The following LRMDA variants were observed in gnomAD, a reference collection of about 807,000 sequenced individuals.
LRMDA encodes the protein leucine-rich melanocyte differentiation-associated protein.
Under a neutral mutation model 29.8 loss-of-function variants are expected in LRMDA, and 18 were observed. That is an observed-to-expected ratio of 0.60 (90% CI 0.42 to 0.90). LRMDA has a LOEUF of 0.90. Among genes scored for constraint, LRMDA ranks in the 40% least tolerant of loss-of-function variants. The pLI, the probability that LRMDA is intolerant of heterozygous loss-of-function variation, is 0.00. For synonymous variants in LRMDA, 125 were observed against 109.4 expected (o/e 1.14, Z -0.89); for missense variants, 273 against 273.9 (o/e 1.00, Z 0.02).
chr10:75,759,223 A>C (rs1190680508), intron 2 of LRMDA, among the ~76,000 whole-genome samples: 1 of 152,202 alleles, frequency 6.6e-6, no homozygotes, highest in Non-Finnish European at 1.5e-5. Context: ...TTTAGTTATT[A>C]AGCTTGCGTA....
At chr10:76,034,185 A>AT (rs200975114) in intron 2 of LRMDA, among the ~76,000 whole-genome samples, 4 of 150,732 alleles carry the variant, frequency 2.7e-5, no homozygotes, top group Admixed American at 6.6e-5. Context: ...GGGTTTTTAA[A>AT]TTTTTTTTTT....
chr10:76,121,766 A>C (rs1849793611), intron 5 of LRMDA, among the ~76,000 whole-genome samples: 1 of 152,234 alleles, frequency 6.6e-6, no homozygotes, highest in South Asian at 2.1e-4. Flanking sequence ...AGCTCCCTAA[A>C]GACAGGAATC....
intron 6 of LRMDA, among the ~76,000 whole-genome samples, chr10:76,517,943 T>C (rs866017496): frequency 2.2e-5 from 3 of 133,774 alleles, no homozygotes. Context: ...TATAAACATA[T>C]ATATATATAT....
At chr10:76,175,252 G>A (rs1850912557) in intron 5 of LRMDA, among the ~76,000 whole-genome samples, 1 of 152,218 alleles carries the variant, frequency 6.6e-6, no homozygotes, top group South Asian at 2.1e-4. Context: ...TGAGGTTTAA[G>A]AGCTGTGGGT....
chr10:76,052,574 AAAAG>A lies in LRMDA; in HGVS notation c.398+5272_398+5275del, dbSNP rs201717493. Among the ~76,000 whole-genome samples the A allele has an allele frequency of 7.4e-3, 1,128 of 152,290 alleles. 17 individuals are homozygous for A. Among genetic ancestry groups the A allele is most frequent in the African/African-American group, 0.025 (1,058 of 41,550 alleles). On this transcript the variant is annotated intron_variant, in intron 4 of 6. Coordinates refer to ENST00000611255, the MANE Select transcript of LRMDA (RefSeq NM_001305581.2). The stretch of plus-strand genomic sequence containing the variant: ...AAATTGATTTTGGAAAGAAAGAAAA[AAAAG>A]GTATTTCTCCTGTTCCTTTTCTCCT...
At chr10:75,617,332 C>T (rs1344548402) in intron 2 of LRMDA, among the ~76,000 whole-genome samples, 1 of 152,124 alleles carries the variant, frequency 6.6e-6, no homozygotes, top group Non-Finnish European at 1.5e-5. Context: ...AAGGAGTGTG[C>T]TCTTATCATT....
chr10:76,367,919 T>C (rs1841410769), intron 6 of LRMDA, among the ~76,000 whole-genome samples: 2 of 152,188 alleles, frequency 1.3e-5, no homozygotes, highest in South Asian at 4.1e-4. Flanking sequence ...GAATGATCTT[T>C]TGTATTTCAG....
At chr10:76,514,487 AG>A (rs1462415434) in intron 6 of LRMDA, among the ~76,000 whole-genome samples, 1 of 152,154 alleles carries the variant, frequency 6.6e-6, no homozygotes, top group East Asian at 1.9e-4. Context: ...TTACATCATG[AG>A]GCTTTCTGGA....
chr10:75,565,221 G>A (rs199840992), intron 2 of LRMDA, among the ~76,000 whole-genome samples: 1 of 152,178 alleles, frequency 6.6e-6, no homozygotes, highest in Non-Finnish European at 1.5e-5. Flanking sequence ...TTGTGGGTTT[G>A]GGGGAATGGT....
At chr10:76,052,596 T>C (rs1490549310) in intron 4 of LRMDA, among the ~76,000 whole-genome samples, 1 of 152,204 alleles carries the variant, frequency 6.6e-6, no homozygotes, top group African/African-American at 2.4e-5. Context: ...TCCTGTTCCT[T>C]TTCTCCTCCT....
intron 6 of LRMDA, among the ~76,000 whole-genome samples, chr10:76,426,836 C>T (rs1842131576): frequency 6.6e-6 from 1 of 152,226 alleles, no homozygotes; most frequent in Non-Finnish European, 1.5e-5. Flanking sequence ...GCCAGTTTTC[C>T]CAGGACCATT....
chr10:75,456,729 G>A (rs1250302663), intron 2 of LRMDA, among the ~76,000 whole-genome samples: 1 of 152,196 alleles, frequency 6.6e-6, no homozygotes, highest in Non-Finnish European at 1.5e-5. Flanking sequence ...AGGCTGAAGT[G>A]CTGTGGCACA....
chr10:75,921,114 G>C (rs545461933), intron 2 of LRMDA, among the ~76,000 whole-genome samples: 44 of 152,296 alleles, frequency 2.9e-4, no homozygotes, highest in African/African-American at 1.0e-3. Flanking sequence ...TAGGATATGA[G>C]ATTTGGCAAT....
chr10:76,223,418 C>T (rs1250134445), intron 5 of LRMDA, among the ~76,000 whole-genome samples: 4 of 152,172 alleles, frequency 2.6e-5, no homozygotes, highest in Admixed American at 2.0e-4. Context: ...TCAAAGCAGA[C>T]TCCCTTGAGG....
At chr10:75,897,212 A>G (rs1845598493) in intron 2 of LRMDA, among the ~76,000 whole-genome samples, 1 of 152,210 alleles carries the variant, frequency 6.6e-6, no homozygotes, top group African/African-American at 2.4e-5. Context: ...AGAATGGGTA[A>G]TGGCTCTCCA....
At chr10:75,873,745 T>C (rs1845150505) in intron 2 of LRMDA, among the ~76,000 whole-genome samples, 1 of 126,190 alleles carries the variant, frequency 7.9e-6, no homozygotes, top group South Asian at 3.0e-4. Context: ...CAAATGGCTT[T>C]ATGATCATTT....
chr10:76,441,018 A>T (rs1394658023), intron 6 of LRMDA, among the ~76,000 whole-genome samples: 1 of 152,102 alleles, frequency 6.6e-6, no homozygotes, highest in Non-Finnish European at 1.5e-5. Flanking sequence ...CCAACCTAAG[A>T]ATCTTTTCTT....
At chr10:75,601,391 TG>T (rs1840883576) in intron 2 of LRMDA, 1 of 152,208 alleles carries the variant, frequency 6.6e-6, no homozygotes. Flanking sequence ...GGAACAACCA[TG>T]GAAGATGCAA....
chr10:75,782,770 A>G, intron 2 of LRMDA: 1 of 1,399,282 alleles, frequency 7.1e-7, no homozygotes, highest in South Asian at 1.6e-5. Context: ...TGTTGAAGAA[A>G]GAGGATCTGG....
Sources: allele counts gnomAD v4.1 joint callset (sites outside exome capture counted in the v4.1 genomes callset), GRCh38; gene constraint gnomAD v4.1.1; transcripts MANE v1.5; gene names NCBI Gene and HGNC (gene_info 2026-07-23, HGNC 2026-07-21).